Variants in PIP5K1B observed in about 807,000 individuals in gnomAD.
PIP5K1B encodes phosphatidylinositol-4-phosphate 5-kinase type 1 beta, also known as phosphatidylinositol 4-phosphate 5-kinase type-1 beta.
A neutral mutation model predicts 67.0 loss-of-function variants in PIP5K1B; 42 were observed. The observed-to-expected ratio is 0.63, with a 90% CI of 0.49 to 0.81. The LOEUF (loss-of-function observed/expected upper bound fraction) is 0.81, where lower values mean the gene tolerates loss of function less well. Among genes scored for constraint, PIP5K1B ranks in the 30% least tolerant of loss-of-function variants. PIP5K1B has a pLI of 0.00. For missense variants in PIP5K1B, 459 were observed against 646.3 expected (o/e 0.71, Z 3.14); for synonymous variants, 214 against 231.4 (o/e 0.92, Z 0.68).
At chr9:68,838,465 G>A (rs188888492) in intron 4 of PIP5K1B, among the ~76,000 whole-genome samples, 6 of 152,220 alleles carry the variant, frequency 3.9e-5, no homozygotes, top group South Asian at 4.1e-4. Flanking sequence ...CCTTGGTCAC[G>A]TACATTTGGG....
chr9:68,780,392 C>T (rs924634926), intron 2 of PIP5K1B: 1 of 1,613,870 alleles, frequency 6.2e-7, no homozygotes, highest in Admixed American at 1.7e-5. Context: ...TGCCGGCCTC[C>T]CCTGTCCGCA....
intron 4 of PIP5K1B, 80 bp from the exon 5 acceptor site, chr9:68,863,757 C>A: frequency 8.3e-7 from 1 of 1,199,194 alleles, no homozygotes; most frequent in South Asian, 1.7e-5. Flanking sequence ...AATTGAACCT[C>A]ACTCATGTTT....
Position 68,711,933 on chromosome 9 carries a change from G to A in PIP5K1B, c.-243+6171G>A, listed in dbSNP as rs188844944. Among the ~76,000 whole-genome samples the A allele has an allele frequency of 1.1e-4, 16 of 152,280 alleles. 1 individual carries two copies. The highest frequency in any genetic ancestry group is 3.9e-4 in the Admixed American group (6 of 15,296). Reference sequence around the variant, plus strand: ...AGCTTAAATATCACCTCCTCCTGGCGACTTTTCTGTTCTTCCAACCTAAAG... The same window carrying A: ...AGCTTAAATATCACCTCCTCCTGGCAACTTTTCTGTTCTTCCAACCTAAAG... On this transcript the variant is annotated intron_variant, in intron 1 of 15. Transcript: ENST00000265382.
chr9:68,934,226 A>G (rs17059238), intron 12 of PIP5K1B, among the ~76,000 whole-genome samples: 11,214 of 152,286 alleles, frequency 0.074, 573 homozygotes, highest in African/African-American at 0.15. Context: ...GGTGAAGTAC[A>G]TTTTCATTAG....
intron 14 of PIP5K1B, among the ~76,000 whole-genome samples, chr9:68,979,286 A>G (rs1829779465): frequency 6.6e-6 from 1 of 152,206 alleles, no homozygotes; most frequent in Non-Finnish European, 1.5e-5. Flanking sequence ...GTACAAAATA[A>G]ATAGCCAGAG....
chr9:68,809,869 A>T (rs920951098), intron 2 of PIP5K1B, among the ~76,000 whole-genome samples: 4 of 152,202 alleles, frequency 2.6e-5, no homozygotes, highest in Non-Finnish European at 4.4e-5. Flanking sequence ...AGCCACTGCA[A>T]TGCCTGTCTC....
intron 2 of PIP5K1B, among the ~76,000 whole-genome samples, chr9:68,748,984 A>G (rs1457049088): frequency 6.6e-6 from 1 of 152,128 alleles, no homozygotes; most frequent in African/African-American, 2.4e-5. Flanking sequence ...TCTGAGGTGG[A>G]CAGAGCTGGG....
chr9:68,864,095 G>C, intron 5 of PIP5K1B, 128 bp downstream of exon 5: 2 of 759,654 alleles, frequency 2.6e-6, no homozygotes, highest in Non-Finnish European at 4.2e-6. Context: ...CCTTTGGCAG[G>C]GCCAAAGGCA....
chr9:68,719,795 T>C (rs1022671204), intron 1 of PIP5K1B, among the ~76,000 whole-genome samples: 10 of 152,226 alleles, frequency 6.6e-5, no homozygotes, highest in Non-Finnish European at 1.3e-4. Flanking sequence ...AAACTCCCTC[T>C]CCTACATGAC....
intron 15 of PIP5K1B, among the ~76,000 whole-genome samples, chr9:69,003,320 G>A (rs568617861): frequency 2.6e-5 from 4 of 152,218 alleles, no homozygotes; most frequent in Admixed American, 2.0e-4. Context: ...CTAAGCCTAC[G>A]ATGGCCGAGA....
chr9:68,832,866 G>C (rs1834392053), intron 4 of PIP5K1B, among the ~76,000 whole-genome samples: 1 of 152,224 alleles, frequency 6.6e-6, no homozygotes, highest in Non-Finnish European at 1.5e-5. Flanking sequence ...GAATCGTTTG[G>C]TTATTGAGCA....
chr9:68,832,050 C>G (rs1834354297), intron 4 of PIP5K1B, among the ~76,000 whole-genome samples: 1 of 152,212 alleles, frequency 6.6e-6, no homozygotes, highest in African/African-American at 2.4e-5. Flanking sequence ...GTGTATCTCA[C>G]TTCTGAACAC....
chr9:68,860,451 T>A (rs573517013), intron 4 of PIP5K1B, among the ~76,000 whole-genome samples: 1 of 152,248 alleles, frequency 6.6e-6, no homozygotes, highest in South Asian at 2.1e-4. Context: ...TACCAAGAAG[T>A]TTACAAGTTT....
chr9:68,823,750 T>C (rs1343531782), intron 4 of PIP5K1B, among the ~76,000 whole-genome samples: 1 of 152,224 alleles, frequency 6.6e-6, no homozygotes, highest in African/African-American at 2.4e-5. Context: ...GTTTATTATT[T>C]CTTAATTTTT....
At chr9:68,913,483 G>A (rs1337551310) in intron 8 of PIP5K1B, among the ~76,000 whole-genome samples, 1 of 152,234 alleles carries the variant, frequency 6.6e-6, no homozygotes, top group Non-Finnish European at 1.5e-5. Flanking sequence ...GATGATATGA[G>A]TAACGGAACT....
intron 2 of PIP5K1B, chr9:68,781,116 G>T: frequency 6.7e-7 from 1 of 1,486,904 alleles, no homozygotes; most frequent in African/African-American, 1.4e-5. Flanking sequence ...TTAATTTGAG[G>T]CTATTTCCTA....
chr9:68,804,413 G>C (rs564623727), intron 2 of PIP5K1B, among the ~76,000 whole-genome samples: 1 of 152,176 alleles, frequency 6.6e-6, no homozygotes, highest in Non-Finnish European at 1.5e-5. Flanking sequence ...ACCATTCCTC[G>C]GGGAGGCAGG....
chr9:68,893,437 A>G (rs1824910584), intron 7 of PIP5K1B, among the ~76,000 whole-genome samples: 1 of 147,546 alleles, frequency 6.8e-6, no homozygotes, highest in Non-Finnish European at 1.5e-5. Flanking sequence ...GGGTTAAAGC[A>G]ATTCTCCTGC....
intron 15 of PIP5K1B, among the ~76,000 whole-genome samples, chr9:68,999,987 A>G (rs1002589572): frequency 2.0e-5 from 3 of 152,142 alleles, no homozygotes; most frequent in African/African-American, 4.8e-5. Context: ...CAGAGGTCAA[A>G]GGCAGCTTAC....
Sources: gnomAD v4.1 joint callset for allele counts (sites outside exome capture counted in the v4.1 genomes callset) on GRCh38, gnomAD v4.1.1 for gene constraint, MANE v1.5 for transcripts, NCBI Gene and HGNC (gene_info 2026-07-23, HGNC 2026-07-21) for gene names.